DCDC1: variants seen among roughly 807,000 people sequenced by gnomAD.
DCDC1 encodes doublecortin domain-containing protein 1.
A neutral mutation model predicts 178.3 loss-of-function variants in DCDC1; 200 were observed. That is an observed-to-expected ratio of 1.12 (90% confidence interval 1.00 to 1.26). The LOEUF (loss-of-function observed/expected upper bound fraction) is 1.26. Among genes scored for constraint, DCDC1 ranks in the 50% most tolerant of loss-of-function variants. DCDC1 has a pLI of 0.00. For missense variants in DCDC1, 1,983 were observed against 1,749.2 expected (o/e 1.13, Z -2.38); for synonymous variants, 690 against 604.8 (o/e 1.14, Z -2.07).
chr11:30,911,524 G>T, intron 27 of DCDC1, 104 bp from the exon 28 acceptor site: 1 of 805,500 alleles, frequency 1.2e-6, no homozygotes, highest in Non-Finnish European at 2.1e-6. Flanking sequence ...TGCATGCTCT[G>T]TAATAATGAA....
intron 2 of DCDC1, among the ~76,000 whole-genome samples, chr11:31,334,346 GT>G (rs1950163168): frequency 6.6e-6 from 1 of 152,172 alleles, no homozygotes; most frequent in South Asian, 2.1e-4. Flanking sequence ...GCTCAGAGAA[GT>G]TTGTTATTAC....
intron 20 of DCDC1, among the ~76,000 whole-genome samples, chr11:31,031,883 G>C (rs1428314176): frequency 3.3e-5 from 5 of 151,954 alleles, no homozygotes; most frequent in Non-Finnish European, 7.4e-5. Context: ...AGTCATTATG[G>C]ACAAATTAAA....
chr11:31,179,034 T>C (rs1373086216), intron 9 of DCDC1, among the ~76,000 whole-genome samples: 2 of 152,104 alleles, frequency 1.3e-5, no homozygotes, highest in African/African-American at 2.4e-5. Flanking sequence ...TAACTACTTC[T>C]CAAAAGAGAA....
chr11:31,346,417 T>C (rs1950814490), intron 1 of DCDC1, among the ~76,000 whole-genome samples: 1 of 143,734 alleles, frequency 7.0e-6, no homozygotes, highest in Non-Finnish European at 1.5e-5. Context: ...TGAGCCAAGA[T>C]TGCACCACTG....
intron 9 of DCDC1, among the ~76,000 whole-genome samples, chr11:31,195,679 C>A (rs192808846): frequency 2.0e-5 from 3 of 151,916 alleles, no homozygotes; most frequent in Non-Finnish European, 4.4e-5. Flanking sequence ...CACTTACCAA[C>A]GTTTCTAATA....
intron 9 of DCDC1, among the ~76,000 whole-genome samples, chr11:31,174,312 C>T (rs1967680972): frequency 6.6e-6 from 1 of 152,230 alleles, no homozygotes; most frequent in South Asian, 2.1e-4. Context: ...TGAGCCCAGG[C>T]ATTGTCGCAA....
chr11:31,162,850 CTA>C (rs1256950351), intron 9 of DCDC1, among the ~76,000 whole-genome samples: 1 of 152,016 alleles, frequency 6.6e-6, no homozygotes, highest in African/African-American at 2.4e-5. Context: ...TTTCATTTAC[CTA>C]TACATGTTTA....
chr11:30,904,886 G>GCTTTTTC, intron 31 of DCDC1, 75 bp downstream of exon 31: 1 of 1,559,316 alleles, frequency 6.4e-7, no homozygotes, highest in Non-Finnish European at 8.8e-7. Context: ...CAATCCCACT[G>GCTTTTTC]CTTTTTCTTT....
chr11:31,327,343 T>C (rs1949702530), intron 3 of DCDC1, among the ~76,000 whole-genome samples: 2 of 151,976 alleles, frequency 1.3e-5, no homozygotes, highest in Non-Finnish European at 2.9e-5. Context: ...TAATTTTTTG[T>C]ATTTTCAGTA....
intron 6 of DCDC1, among the ~76,000 whole-genome samples, chr11:31,296,899 C>T (rs1033280786): frequency 6.6e-6 from 1 of 152,138 alleles, no homozygotes; most frequent in Non-Finnish European, 1.5e-5. Context: ...AAGGCGTCTC[C>T]CCCAACATGA....
chr11:31,325,154 C>T (rs1316224334), intron 3 of DCDC1, among the ~76,000 whole-genome samples: 1 of 152,102 alleles, frequency 6.6e-6, no homozygotes, highest in East Asian at 1.9e-4. Flanking sequence ...CAACATTCTC[C>T]TCATGTAAAA....
intron 21 of DCDC1, among the ~76,000 whole-genome samples, chr11:30,946,757 T>C (rs2134437437): frequency 6.6e-6 from 1 of 152,340 alleles, no homozygotes; most frequent in African/African-American, 2.4e-5. Flanking sequence ...ATAAATTATT[T>C]CTAAAAAATC....
intron 9 of DCDC1, among the ~76,000 whole-genome samples, chr11:31,202,746 A>G (rs1246816083): frequency 6.6e-6 from 1 of 152,244 alleles, no homozygotes; most frequent in African/African-American, 2.4e-5. Flanking sequence ...TACTGGTTCC[A>G]AAGTGTGGAA....
At chr11:31,290,879 C>T in intron 6 of DCDC1, 27 bp from the exon 7 acceptor site, 1 of 1,594,188 alleles carries the variant, frequency 6.3e-7, no homozygotes, top group Non-Finnish European at 8.6e-7. Flanking sequence ...TAAGTCAAGT[C>T]AATATTTGGC....
intron 15 of DCDC1, among the ~76,000 whole-genome samples, chr11:31,095,362 A>G (rs565203083): frequency 1.3e-5 from 2 of 152,278 alleles, no homozygotes; most frequent in African/African-American, 4.8e-5. Context: ...GAATCGCCAC[A>G]CTGTCTTCCA....
chr11:30,947,679 C>T (rs186021626), intron 21 of DCDC1, among the ~76,000 whole-genome samples: 3 of 152,188 alleles, frequency 2.0e-5, no homozygotes, highest in Admixed American at 2.0e-4. Context: ...AGTAACAGCA[C>T]AAAAGCACAA....
At chr11:31,192,846 C>A (rs1970279401) in intron 9 of DCDC1, among the ~76,000 whole-genome samples, 1 of 152,014 alleles carries the variant, frequency 6.6e-6, no homozygotes, top group Admixed American at 6.6e-5. Context: ...GCATTTAAAT[C>A]AGCAGACTGA....
At chr11:31,120,151 TC>T (rs1591115235) in intron 11 of DCDC1, among the ~76,000 whole-genome samples, 1 of 152,172 alleles carries the variant, frequency 6.6e-6, no homozygotes, top group East Asian at 1.9e-4. Flanking sequence ...GATGAAGACA[TC>T]CTTTAAAAAA....
intron 9 of DCDC1, among the ~76,000 whole-genome samples, chr11:31,230,944 G>A (rs985053148): frequency 6.6e-6 from 1 of 151,746 alleles, no homozygotes; most frequent in African/African-American, 2.4e-5. Flanking sequence ...TTAACATTCA[G>A]GAAGTTATGA....
Sources: allele counts gnomAD v4.1 joint callset (sites outside exome capture counted in the v4.1 genomes callset), GRCh38; gene constraint gnomAD v4.1.1; transcripts MANE v1.5; gene names NCBI Gene and HGNC (gene_info 2026-07-23, HGNC 2026-07-21).